Variants in RANBP2 observed in about 807,000 individuals in gnomAD.
RANBP2 encodes the protein E3 SUMO-protein ligase RanBP2.
Under a neutral mutation model 303.6 loss-of-function variants are expected in RANBP2, and 57 were observed. The ratio of observed to expected loss-of-function variants is 0.19; its 90% CI spans 0.15 to 0.23. RANBP2 has a LOEUF of 0.23. Among genes scored for constraint, RANBP2 ranks in the 10% least tolerant of loss-of-function variants. The pLI, the probability that RANBP2 is intolerant of heterozygous loss-of-function variation, is 1.00. For missense variants in RANBP2, 3,138 were observed against 3,780.8 expected, an observed-to-expected ratio of 0.83 and a Z score of 4.46; for synonymous variants, 1,167 against 1,301.5, an observed-to-expected ratio of 0.90 and a Z score of 2.23.
the RANBP2 span, chr2:109,545,319 G>A: frequency 4.7e-6 from 7 of 1,479,288 alleles, no homozygotes; most frequent in Admixed American, 8.9e-5. Flanking sequence ...AAGTACAGAA[G>A]GAAATTATCA....
chr2:109,588,850 T>TA, the RANBP2 span, among the ~76,000 whole-genome samples: 20,780 of 111,282 alleles, frequency 0.19, 2,537 homozygotes, highest in African/African-American at 0.39. Context: ...CAATTACTAT[T>TA]AAAAAAAAAA....
chr2:108,761,579 A>G (rs1161967661), intron 18 of RANBP2, among the ~76,000 whole-genome samples: 2 of 152,150 alleles, frequency 1.3e-5, no homozygotes, highest in Non-Finnish European at 2.9e-5. Context: ...ATTTTAAGCC[A>G]GGGAACACAT....
the RANBP2 span, among the ~76,000 whole-genome samples, chr2:109,135,792 G>T: frequency 1.3e-5 from 2 of 152,126 alleles, no homozygotes; most frequent in African/African-American, 4.8e-5. Flanking sequence ...GCTTGAGTCT[G>T]TTGGTTTCCT....
chr2:109,451,585 C>G, the RANBP2 span, among the ~76,000 whole-genome samples: 1 of 152,218 alleles, frequency 6.6e-6, no homozygotes, highest in African/African-American at 2.4e-5. Context: ...CCATCACCCA[C>G]CTAAGTGTGA....
At chr2:109,161,155 G>A in the RANBP2 span, among the ~76,000 whole-genome samples, 1 of 152,204 alleles carries the variant, frequency 6.6e-6, no homozygotes, top group African/African-American at 2.4e-5. Flanking sequence ...TAAAGCATGA[G>A]CAATGCCAAC....
chr2:109,152,262 G>T, the RANBP2 span, among the ~76,000 whole-genome samples: 1 of 152,192 alleles, frequency 6.6e-6, no homozygotes, highest in Non-Finnish European at 1.5e-5. Flanking sequence ...CTATAATCAC[G>T]GGAGGTGGGC....
chr2:109,175,537 C>A, the RANBP2 span, among the ~76,000 whole-genome samples: 6 of 152,200 alleles, frequency 3.9e-5, no homozygotes, highest in East Asian at 9.6e-4. Flanking sequence ...GCTCATGGCT[C>A]CCCTGAATGA....
the RANBP2 span, chr2:109,613,723 C>G: frequency 1.0e-6 from 1 of 985,838 alleles, no homozygotes; most frequent in Non-Finnish European, 1.3e-6. Flanking sequence ...ACCAGGGGGC[C>G]GGTGGGTCGA....
chr2:108,994,825 TA>T, the RANBP2 span, among the ~76,000 whole-genome samples: 254 of 8,680 alleles, frequency 0.029, no homozygotes, highest in East Asian at 0.25. Context: ...TATATATATA[TA>T]TATCTTTTTT....
chr2:109,609,203 G>A, the RANBP2 span, among the ~76,000 whole-genome samples: 6 of 152,032 alleles, frequency 3.9e-5, no homozygotes, highest in Admixed American at 3.9e-4. Context: ...AACAGCTCCT[G>A]GCTGCCTGCA....
At chr2:109,418,131 C>T in the RANBP2 span, among the ~76,000 whole-genome samples, 52 of 152,106 alleles carry the variant, frequency 3.4e-4, no homozygotes, top group African/African-American at 1.2e-3. Context: ...TGCCTTTGGC[C>T]GAGGTACCTG....
At chr2:109,671,332 G>C in the RANBP2 span, among the ~76,000 whole-genome samples, 23 of 152,160 alleles carry the variant, frequency 1.5e-4, no homozygotes, top group Admixed American at 1.5e-3. Context: ...CCATGTGGTA[G>C]GAGCCTTGTA....
the RANBP2 span, among the ~76,000 whole-genome samples, chr2:109,093,017 T>C: frequency 6.6e-6 from 1 of 152,252 alleles, no homozygotes; most frequent in Non-Finnish European, 1.5e-5. Flanking sequence ...TGTCTTGTTT[T>C]GTATCCTTAA....
the RANBP2 span, among the ~76,000 whole-genome samples, chr2:108,983,854 T>C: frequency 4.9e-4 from 75 of 152,254 alleles, no homozygotes; most frequent in Middle Eastern, 0.017. Context: ...AACTGAGCCA[T>C]CAGAGAGCCA....
the RANBP2 span, among the ~76,000 whole-genome samples, chr2:109,603,712 T>C: frequency 6.6e-6 from 1 of 152,096 alleles, no homozygotes; most frequent in South Asian, 2.1e-4. Context: ...GAAATCTACA[T>C]AGTCAGAGAA....
the RANBP2 span, among the ~76,000 whole-genome samples, chr2:108,898,820 CAG>C: frequency 6.6e-6 from 1 of 152,046 alleles, no homozygotes; most frequent in South Asian, 2.1e-4. Context: ...TGCTCAATGA[CAG>C]AGTAAGACAG....
the RANBP2 span, among the ~76,000 whole-genome samples, chr2:108,834,327 C>T: frequency 1.3e-5 from 2 of 151,818 alleles, no homozygotes; most frequent in African/African-American, 4.8e-5. Flanking sequence ...ATTCTCTTGC[C>T]TCAGCCTCCC....
chr2:108,879,252 A>G, the RANBP2 span, among the ~76,000 whole-genome samples: 1 of 152,260 alleles, frequency 6.6e-6, no homozygotes, highest in Admixed American at 6.5e-5. Flanking sequence ...GATTACAAGC[A>G]TGAACCAATG....
At chr2:108,911,810 A>T in the RANBP2 span, among the ~76,000 whole-genome samples, 4 of 152,088 alleles carry the variant, frequency 2.6e-5, no homozygotes, top group African/African-American at 9.7e-5. Context: ...ATCTCGGGGG[A>T]GGTAGTGCCA....
Sources: gnomAD v4.1 joint callset for allele counts (sites outside exome capture counted in the v4.1 genomes callset) on GRCh38, gnomAD v4.1.1 for gene constraint, MANE v1.5 for transcripts, NCBI Gene and HGNC (gene_info 2026-07-23, HGNC 2026-07-21) for gene names.